Variants in ADGRV1 observed in about 807,000 individuals in gnomAD.
ADGRV1 encodes the protein G-protein coupled receptor 98.
Under a neutral mutation model 596.2 loss-of-function variants are expected in ADGRV1, and 359 were observed. That is an observed-to-expected ratio of 0.60 (90% CI 0.55 to 0.66). The LOEUF is 0.66. Ranked by LOEUF, ADGRV1 falls within the 30% of genes least tolerant of loss-of-function variation. The pLI is 0.00. For synonymous variants in ADGRV1, 2,681 were observed against 2,679.2 expected (o/e 1.00, Z -0.02); for missense variants, 7,274 against 7,575.6 (o/e 0.96, Z 1.48).
chr5:91,001,655 A>G (rs2151109257), intron 85 of ADGRV1, among the ~76,000 whole-genome samples: 1 of 152,252 alleles, frequency 6.6e-6, no homozygotes, highest in African/African-American at 2.4e-5. Flanking sequence ...AATATTTGCC[A>G]CGCTTTGTGA....
At chr5:90,665,536 T>C (rs60879511) in intron 21 of ADGRV1, among the ~76,000 whole-genome samples, 111,494 of 150,852 alleles carry the variant, frequency 0.74, 42,330 homozygotes, top group African/African-American at 0.91. Flanking sequence ...AGCGGTCTAT[T>C]TATTTTGTCG....
intron 86 of ADGRV1, among the ~76,000 whole-genome samples, chr5:91,087,430 GA>G (rs1789980254): frequency 6.6e-6 from 1 of 151,782 alleles, no homozygotes. Context: ...CCAAGTAGCT[GA>G]GACTGCAGGC....
intron 84 of ADGRV1, among the ~76,000 whole-genome samples, chr5:90,970,375 A>G (rs1341511807): frequency 1.3e-5 from 2 of 152,132 alleles, no homozygotes; most frequent in Admixed American, 6.5e-5. Context: ...TGAAGAGAGT[A>G]GTGGTTCTCC....
intron 85 of ADGRV1, among the ~76,000 whole-genome samples, chr5:91,000,668 C>CTGTG (rs6149110): frequency 0.18 from 24,768 of 141,046 alleles, 2,164 homozygotes; most frequent in Middle Eastern, 0.21. Context: ...CTTACAGGAT[C>CTGTG]TGTGTGTGTG....
chr5:91,124,225 A>G (rs1297332169), intron 87 of ADGRV1, among the ~76,000 whole-genome samples: 4 of 152,192 alleles, frequency 2.6e-5, no homozygotes, highest in Non-Finnish European at 4.4e-5. Context: ...CCATCACATT[A>G]CTAGTACCAC....
At chr5:91,083,782 C>A (rs1046364271) in intron 86 of ADGRV1, among the ~76,000 whole-genome samples, 1 of 152,122 alleles carries the variant, frequency 6.6e-6, no homozygotes, top group African/African-American at 2.4e-5. Context: ...TTAATAATTT[C>A]TTTTGCTGGG....
At chr5:91,139,918 A>G (rs1279272624) in intron 87 of ADGRV1, among the ~76,000 whole-genome samples, 2 of 152,176 alleles carry the variant, frequency 1.3e-5, no homozygotes, top group Admixed American at 6.5e-5. Flanking sequence ...CTTCCCTGAT[A>G]TAGTTGTGGC....
chr5:90,965,263 T>A (rs1466480328), intron 83 of ADGRV1, among the ~76,000 whole-genome samples, 152 bp from the exon 84 acceptor site: 1 of 152,250 alleles, frequency 6.6e-6, no homozygotes, highest in African/African-American at 2.4e-5. Context: ...ATTTTTAGAA[T>A]GACTCTTAGT....
chr5:90,588,449 G>A (rs530927738), intron 1 of ADGRV1, among the ~76,000 whole-genome samples: 2 of 152,352 alleles, frequency 1.3e-5, no homozygotes, highest in South Asian at 2.1e-4. Context: ...TGGAAGTTAG[G>A]CTGGAGATGT....
intron 78 of ADGRV1, among the ~76,000 whole-genome samples, chr5:90,842,732 T>A (rs115713327): frequency 0.035 from 5,334 of 152,112 alleles, 326 homozygotes; most frequent in African/African-American, 0.12. Context: ...AAAAAAATTG[T>A]AAAATCAAGT....
intron 74 of ADGRV1, among the ~76,000 whole-genome samples, chr5:90,814,558 C>T (rs1158332840): frequency 1.3e-5 from 2 of 152,058 alleles, no homozygotes; most frequent in East Asian, 3.9e-4. Flanking sequence ...TTCCCCCATG[C>T]TGTTCTTGTG....
chr5:90,714,830 C>T (rs1749875312), intron 42 of ADGRV1, among the ~76,000 whole-genome samples: 1 of 152,054 alleles, frequency 6.6e-6, no homozygotes, highest in Non-Finnish European at 1.5e-5. Context: ...GTGCTAATAG[C>T]ATACTGCTTT....
At chr5:91,084,588 G>A (rs1789696907) in intron 86 of ADGRV1, among the ~76,000 whole-genome samples, 3 of 152,186 alleles carry the variant, frequency 2.0e-5, no homozygotes, top group East Asian at 3.9e-4. Flanking sequence ...AACAGGTGCT[G>A]GAGAGGATGT....
chr5:90,821,141 C>T (rs939182590), intron 75 of ADGRV1, among the ~76,000 whole-genome samples: 7 of 152,020 alleles, frequency 4.6e-5, no homozygotes, highest in African/African-American at 1.7e-4. Context: ...CTCTAAACTT[C>T]CCTTCTCGCT....
At chr5:90,621,174 G>A (rs746184558) in intron 4 of ADGRV1, among the ~76,000 whole-genome samples, 2 of 152,034 alleles carry the variant, frequency 1.3e-5, no homozygotes, top group Non-Finnish European at 1.5e-5. Context: ...TTCCTGACTC[G>A]GAGTCTCCTT....
intron 82 of ADGRV1, among the ~76,000 whole-genome samples, chr5:90,856,768 T>G (rs969616933): frequency 6.6e-6 from 1 of 152,212 alleles, no homozygotes; most frequent in Non-Finnish European, 1.5e-5. Context: ...ATTACTTAGT[T>G]TCTCTGTACT....
chr5:90,946,033 TAAG>T (rs1259630370), intron 83 of ADGRV1, among the ~76,000 whole-genome samples: 1 of 151,894 alleles, frequency 6.6e-6, no homozygotes, highest in East Asian at 1.9e-4. Flanking sequence ...ACTTATACAA[TAAG>T]AAGTAATACA....
intron 85 of ADGRV1, among the ~76,000 whole-genome samples, chr5:91,024,826 A>G (rs1230898947): frequency 6.6e-6 from 1 of 152,178 alleles, no homozygotes; most frequent in African/African-American, 2.4e-5. Flanking sequence ...GAGACAATTT[A>G]TATCCACTAA....
intron 1 of ADGRV1, among the ~76,000 whole-genome samples, chr5:90,574,497 T>G (rs950704507): frequency 2.6e-5 from 4 of 152,194 alleles, no homozygotes; most frequent in African/African-American, 9.7e-5. Flanking sequence ...TACATTGATT[T>G]TGTATCCTGA....
Sources: gnomAD v4.1 joint callset for allele counts (sites outside exome capture counted in the v4.1 genomes callset) on GRCh38, gnomAD v4.1.1 for gene constraint, MANE v1.5 for transcripts, NCBI Gene and HGNC (gene_info 2026-07-23, HGNC 2026-07-21) for gene names.